Variants in BAG6 observed in about 807,000 individuals in gnomAD.
BAG6 encodes large proline-rich protein BAG6.
Under a neutral mutation model 121.0 loss-of-function variants are expected in BAG6, and 22 were observed. The ratio of observed to expected loss-of-function variants is 0.18; its 90% CI spans 0.13 to 0.26. BAG6 has a LOEUF of 0.26. Among genes scored for constraint, BAG6 ranks in the 10% least tolerant of loss-of-function variants. BAG6 has a pLI of 1.00. For synonymous variants in BAG6, 583 were observed against 584.6 expected (o/e 1.00, Z 0.04); for missense variants, 1,233 against 1,537.7 (o/e 0.80, Z 3.31).
chr6:31,650,026 G>A (rs879415035), intron 2 of BAG6, among the ~76,000 whole-genome samples: 4 of 152,082 alleles, frequency 2.6e-5, no homozygotes, highest in East Asian at 1.9e-4. Context: ...ACTTGAATTC[G>A]GGAGGCGGAG....
chr6:31,640,786 C>A lies in BAG6; in HGVS notation c.2934+6G>T. On this transcript the variant is annotated splice_donor_region_variant and intron_variant, in intron 21 of 25. Coordinates refer to ENST00000676615, the MANE Select transcript of BAG6 (RefSeq NM_001387994.1). This position sits in a 1 kb window ranked among gnomAD's most constrained non-coding sequence, Gnocchi z 4.2. ...CCCTGACCCCATCGCCCAACAGGTCCCTTACCTGGGGGGGATCACCAACCC... is the reference window on the plus strand; with the variant it reads ...CCCTGACCCCATCGCCCAACAGGTCACTTACCTGGGGGGGATCACCAACCC... 1 of 1,612,762 alleles carries A rather than the reference C, an allele frequency of 6.2e-7. No homozygotes were observed. Among genetic ancestry groups the A allele is most frequent in the Non-Finnish European group, 8.5e-7 (1 of 1,180,012 alleles).
At chr6:31,643,146 T>A in intron 14 of BAG6, 31 bp from the exon 15 acceptor site, 2 of 1,526,654 alleles carry the variant, frequency 1.3e-6, no homozygotes, top group Non-Finnish European at 1.7e-6. Context: ...AAAGCTGGGC[T>A]GAGCATGGTG....
In BAG6 at chr6:31,644,616, C is replaced by CAA. The variant is rs1786860722; in HGVS notation, c.1370-15_1370-14insTT. On this transcript the variant is annotated splice_polypyrimidine_tract_variant and intron_variant, in intron 10 of 25. Transcript: ENST00000676615. The surrounding 1 kb of genome is among the most constrained non-coding windows in gnomAD (Gnocchi z 4.9). Reference sequence around the variant, plus strand: ...GTGTGCCAGAATCTGGGCAGGGAGACAGAGACAGTGGCCCTGAGGTAGGTA... The same window carrying CAA: ...GTGTGCCAGAATCTGGGCAGGGAGACAAAGAGACAGTGGCCCTGAGGTAGGTA... 2.5e-6 allele frequency: 4 copies of CAA among 1,611,968 alleles called. No individual in the cohort carries two copies. The highest frequency in any genetic ancestry group is 3.4e-6 in the Non-Finnish European group (4 of 1,179,584).
At chr6:31,639,404 C>G in intron 25 of BAG6, 96 bp downstream of exon 25, 1 of 1,534,078 alleles carries the variant, frequency 6.5e-7, no homozygotes, top group African/African-American at 1.4e-5. Flanking sequence ...ATGGTAGCAC[C>G]AGGCTGACCA....
intron 16 of BAG6, 79 bp downstream of exon 16, chr6:31,642,033 C>T: frequency 6.3e-7 from 1 of 1,593,456 alleles, no homozygotes; most frequent in Non-Finnish European, 8.6e-7. Flanking sequence ...CCCACCTTGG[C>T]AACACCCCTA....
At position 31,647,597 on chromosome 6, in the gene BAG6, G is replaced by A. The variant is rs151105635; in HGVS notation, c.782C>T (p.Ala261Val). ...GATTCCCTCCATCTCTCACTTGGGTGCATTTGTTTCCGGGGCAGGTGTTGG... is the reference window on the plus strand; with the variant it reads ...GATTCCCTCCATCTCTCACTTGGGTACATTTGTTTCCGGGGCAGGTGTTGG... ...AGPTPAPETNAPNHPSPAEYV... is the reference protein window; with the variant it reads ...AGPTPAPETNVPNHPSPAEYV... Residue 261 changes from alanine (A) to valine (V), a missense_variant, in exon 7 of 26, where the codon GCA becomes GTA. Ala to Val is a moderately conservative substitution (Grantham distance 64, BLOSUM62 0). Around this residue, in one of 7 missense-constraint regions of BAG6, gnomAD observed 777 missense variants for 861.4 expected, o/e 0.90. Coordinates refer to ENST00000676615, the MANE Select transcript of BAG6 (RefSeq NM_001387994.1). The A allele has an allele frequency of 3.5e-5, 56 of 1,609,914 alleles. No individual in the cohort carries two copies. The African/African-American group carries it at 6.7e-4, about 19-fold the overall frequency.
chr6:31,640,490 T>C lies in BAG6; in HGVS notation c.3033A>G (p.Glu1011=). Residue 1011 remains glutamate, a synonymous_variant, in exon 23 of 26, where the codon GAA becomes GAG. Transcript: ENST00000676615. The surrounding 1 kb of genome is among the most constrained non-coding windows in gnomAD (Gnocchi z 4.2). The stretch of plus-strand genomic sequence containing the variant: ...GAGGTGGACCTCGGGACATGGCCTC[T>C]TCTGCTGTTGTTCCAGGGGCTGGGG... ...NASPAPGTTA[E]EAMSRGPPPA... is the part of the protein sequence containing the mutation. The C allele has an allele frequency of 6.2e-7, 1 of 1,613,102 alleles. No homozygotes were observed. The highest frequency in any genetic ancestry group is 2.2e-5 in the East Asian group (1 of 44,888).
rs1783171329 is a variant in BAG6, at chr6:31,641,860, T to C, written c.2421A>G (p.Pro807=). Residue 807 remains proline (P), a synonymous_variant, in exon 17 of 26, where the codon CCA becomes CCG. Coordinates refer to ENST00000676615, the MANE Select transcript of BAG6 (RefSeq NM_001387994.1). The surrounding 1 kb of genome is among the most constrained non-coding windows in gnomAD (Gnocchi z 5.7). ...VVMLLHGHFQ[P]LQRLQPQLRS... is the part of the protein sequence containing the mutation. ...GCAGCTGGGGCTGGAGCCGTTGTAG[T>C]GGCTGGAAATGCCCATGGAGAAGCA... 6.2e-7 allele frequency: 1 copy of C among 1,613,026 alleles called. No homozygotes were observed. Among genetic ancestry groups the C allele is most frequent in the Non-Finnish European group, 8.5e-7 (1 of 1,180,016 alleles).
At position 31,646,775 on chromosome 6, in the gene BAG6, T is replaced by G. The variant is rs1166934983; in HGVS notation, c.789-252A>C. 1.2e-4 allele frequency among the ~76,000 whole-genome samples: 15 copies of G among 129,344 alleles called. No homozygotes were observed. In the East Asian group the frequency reaches 1.8e-3, roughly 15 times the overall value. The allele number at this position is 129,344 out of a possible 152,430, so 84.9% of individuals were successfully genotyped here. A position where few individuals can be genotyped will look rare whatever the true frequency, so the allele number is the denominator to read the frequency against. ...CACCCGGCTAATTTTTGTTTTTTTT[T>G]TTTTTTTTTTTTTTTTGAGACAGAG... On this transcript the variant is annotated intron_variant, in intron 7 of 25. Transcript: ENST00000676615.
At chr6:31,639,408 C>G in intron 25 of BAG6, 92 bp downstream of exon 25, 1 of 1,540,758 alleles carries the variant, frequency 6.5e-7, no homozygotes, top group South Asian at 1.2e-5. Flanking sequence ...TAGCACCAGG[C>G]TGACCAGTTC....
In BAG6 at chr6:31,642,201, C is replaced by T. The variant is rs375303723; in HGVS notation, c.2246G>A (p.Arg749Gln). ...LSSLLGSLGARAGSSESIAAF... is the reference protein window; with the variant it reads ...LSSLLGSLGAQAGSSESIAAF... ...AGCAATACTTTCACTGCTGCCAGCC[C>T]GAGCCCCCAGGGAGCCCAGCAGGGA... The change falls in exon 16 of 26, where the codon CGG (arginine) becomes CAG (glutamine). Residue 749 changes from arginine to glutamine, a missense_variant. Coordinates refer to ENST00000676615, the MANE Select transcript of BAG6 (RefSeq NM_001387994.1). The T allele has an allele frequency of 3.5e-5, 56 of 1,612,762 alleles. No individual in the cohort carries two copies. Among genetic ancestry groups the T allele is most frequent in the Non-Finnish European group, 4.3e-5 (51 of 1,179,984 alleles).
chr6:31,640,783 G>A lies in BAG6; in HGVS notation c.2934+9C>T. 1 of 1,612,688 alleles carries A rather than the reference G, an allele frequency of 6.2e-7. No homozygotes were observed. ...GTACCCTGACCCCATCGCCCAACAG[G>A]TCCCTTACCTGGGGGGGATCACCAA... On this transcript the variant is annotated intron_variant, in intron 21 of 25. Transcript: ENST00000676615. The surrounding 1 kb of genome is among the most constrained non-coding windows in gnomAD (Gnocchi z 4.2).
In BAG6 at chr6:31,642,273, C is replaced by T. The variant is rs778903271; in HGVS notation, c.2174G>A (p.Ser725Asn). The T allele has an allele frequency of 3.1e-6, 5 of 1,606,642 alleles. No individual in the cohort carries two copies. The highest frequency in any genetic ancestry group is 4.2e-6 in the Non-Finnish European group (5 of 1,177,166). The change falls in exon 16 of 26, where the codon AGC becomes AAC. Residue 725 changes from serine to asparagine, a missense_variant. Transcript: ENST00000676615. ...TGAGGTAAAAAACTCCGGTGACAGG[C>T]TCTCAAGACCCAGGCCTCCAGGACT... The part of the protein sequence containing the change: ...AGSPGGLGLE[S>N]LSPEFFTSVV...
At chr6:31,642,672 A>G in intron 15 of BAG6, 157 bp downstream of exon 15, 1 of 905,536 alleles carries the variant, frequency 1.1e-6, no homozygotes, top group Non-Finnish European at 1.7e-6. Context: ...CTTCATCTTT[A>G]AAATGAAAGG....
chr6:31,641,385 C>T lies in BAG6; in HGVS notation c.2597G>A (p.Arg866Gln), dbSNP rs150629776. The T allele has an allele frequency of 6.2e-6, 10 of 1,614,222 alleles. No individual in the cohort carries two copies. Among genetic ancestry groups the T allele is most frequent in the African/African-American group, 2.7e-5 (2 of 75,058 alleles). ...VQVQPGVDII[R>Q]TNLEFLQEQF... ...CTCTTGGAGAAATTCCAGGTTTGTC[C>T]GGATGATGTCCACACCTGGCTGAAC... is the stretch of plus-strand genomic sequence containing the variant. The change falls in exon 19 of 26, where the codon CGG becomes CAG. Residue 866 changes from arginine (R) to glutamine (Q), a missense_variant. Around this residue, in one of 7 missense-constraint regions of BAG6, gnomAD observed 288 missense variants for 483.1 expected, o/e 0.60. Transcript: ENST00000676615. The surrounding 1 kb of genome is among the most constrained non-coding windows in gnomAD (Gnocchi z 5.7).
chr6:31,639,041 G>A lies in BAG6; in HGVS notation c.*90C>T. ...ATGGAGACAATGTAGAGAGAAAGCA[G>A]CCAGAAAAATCCGACTTTTATTTCT... is the stretch of plus-strand genomic sequence containing the variant. On this transcript the variant is annotated 3_prime_UTR_variant, in exon 26 of 26. Coordinates refer to ENST00000676615, the MANE Select transcript of BAG6 (RefSeq NM_001387994.1). 4.7e-6 allele frequency: 5 copies of A among 1,065,806 alleles called. No individual in the cohort carries two copies. Among genetic ancestry groups the A allele is most frequent in the Non-Finnish European group, 6.8e-6 (5 of 731,730 alleles). 66.0% of individuals were successfully genotyped at this position (1,065,806 alleles called of 1,614,324 possible).
At chr6:31,639,317 T>A in intron 25 of BAG6, 91 bp from the exon 26 acceptor site, 1 of 1,463,330 alleles carries the variant, frequency 6.8e-7, no homozygotes, top group Non-Finnish European at 9.4e-7. Context: ...GAAGCTAACA[T>A]TTCCCCCCCC....
chr6:31,643,231 A>C (rs1784718637), intron 14 of BAG6, 116 bp from the exon 15 acceptor site: 20 of 998,200 alleles, frequency 2.0e-5, no homozygotes, highest in Non-Finnish European at 1.4e-6. Flanking sequence ...TCTAGGCCAC[A>C]TAGCAAGACC....
chr6:31,642,412 TAAAGAAAG>T lies in BAG6; in HGVS notation c.2044-17_2044-10del, dbSNP rs36173461. On this transcript the variant is annotated splice_polypyrimidine_tract_variant and intron_variant, in intron 15 of 25. Transcript: ENST00000676615. The stretch of plus-strand genomic sequence containing the variant: ...GGGGCTGTCTGTGTTGCCTGGCAAA[TAAAGAAAG>T]AACAAAGAACAGAAAGTGAGGTGAG... 1.2e-6 allele frequency: 1 copy of T among 800,464 alleles called. No homozygotes were observed. The highest frequency in any genetic ancestry group is 1.6e-5 in the South Asian group (1 of 64,504). 49.6% of individuals were successfully genotyped at this position (800,464 alleles called of 1,614,324 possible).
Sources: gnomAD v4.1 joint callset for allele counts (sites outside exome capture counted in the v4.1 genomes callset) on GRCh38, gnomAD v4.1.1 for gene constraint, gnomAD v4.1.1 regional missense constraint, Gnocchi (gnomAD v3.1) non-coding constraint, MANE v1.5 for transcripts, NCBI Gene and HGNC (gene_info 2026-07-23, HGNC 2026-07-21) for gene names.